DEF6: variants seen among roughly 807,000 people sequenced by gnomAD.
DEF6 encodes the protein differentially expressed in FDCP 6 homolog.
A neutral mutation model predicts 80.5 loss-of-function variants in DEF6; 32 were observed. The observed-to-expected ratio is 0.40, with a 90% CI of 0.30 to 0.53. The LOEUF (loss-of-function observed/expected upper bound fraction) is 0.53, where lower values mean the gene tolerates loss of function less well. DEF6 is among the 20% of genes least tolerant of loss of function. The pLI is 0.57. For synonymous variants in DEF6, 300 were observed against 337.9 expected, an observed-to-expected ratio of 0.89 and a Z score of 1.23; for missense variants, 575 against 818.7, an observed-to-expected ratio of 0.70 and a Z score of 3.63.
At position 35,309,869 on chromosome 6, in the gene DEF6, G is replaced by A. The variant is rs189502080; in HGVS notation, c.237+59G>A. Reference sequence around the variant, plus strand: ...TCTCCCCACTTTTCCAGCCTGGCCAGCAGCCTAATACCTTGCCACTCCAAC... The same window carrying A: ...TCTCCCCACTTTTCCAGCCTGGCCAACAGCCTAATACCTTGCCACTCCAAC... On this transcript the variant is annotated intron_variant, in intron 2 of 10. Coordinates refer to ENST00000316637, the MANE Select transcript of DEF6 (RefSeq NM_022047.4). 260 of 1,594,676 alleles carry A rather than the reference G, an allele frequency of 1.6e-4. 2 individuals are homozygous for A. The East Asian group carries it at 4.5e-3, about 28-fold the overall frequency.
In DEF6 at chr6:35,312,395, G is replaced by A; in HGVS notation, c.517G>A (p.Ala173Thr). ...GCTTCTGGCCCAGGAGGCCCAGGTG[G>A]CCCAGACCACCGGGGGGCTCAGCGT... The part of the protein sequence containing the change: ...EELLAQEAQV[A>T]QTTGGLSVWQ... Residue 173 changes from alanine to threonine, a missense_variant, in exon 4 of 11, where the codon GCC becomes ACC. Coordinates refer to ENST00000316637, the MANE Select transcript of DEF6 (RefSeq NM_022047.4). This position sits in a 1 kb window ranked among gnomAD's most constrained non-coding sequence, Gnocchi z 6.6. The A allele has an allele frequency of 6.2e-7, 1 of 1,614,140 alleles. No homozygotes were observed. Among genetic ancestry groups the A allele is most frequent in the South Asian group, 1.1e-5 (1 of 91,080 alleles).
chr6:35,308,693 AAAAT>A (rs1791423498), intron 1 of DEF6, among the ~76,000 whole-genome samples: 2 of 145,076 alleles, frequency 1.4e-5, no homozygotes, highest in African/African-American at 5.1e-5. Context: ...AAAATAAAAT[AAAAT>A]AAAATAAAAT....
At chr6:35,297,991 C>G in intron 1 of DEF6, 39 bp downstream of exon 1, 3 of 1,519,480 alleles carry the variant, frequency 2.0e-6, no homozygotes, top group Non-Finnish European at 2.7e-6. Flanking sequence ...ACGGCAGATG[C>G]ACCACACCAG....
chr6:35,320,040 G>T (rs775731036), intron 9 of DEF6, 23 bp downstream of exon 9: 2 of 1,551,412 alleles, frequency 1.3e-6, no homozygotes, highest in East Asian at 2.4e-5. Context: ...GTGGGATGGG[G>T]TGGAGGCTGG....
In DEF6 at chr6:35,309,786, C is replaced by T. The variant is rs752722729; in HGVS notation, c.213C>T (p.Tyr71=). ...GPVSSQGYMP[Y]LNKYILDKVE... ...TGTCCAGCCAGGGATACATGCCCTA[C>T]CTCAACAAGTACATCCTGGACAAGG... Residue 71 remains tyrosine, a synonymous_variant, in exon 2 of 11, where the codon TAC becomes TAT. Coordinates refer to ENST00000316637, the MANE Select transcript of DEF6 (RefSeq NM_022047.4). 5 of 1,614,060 alleles carry T rather than the reference C, an allele frequency of 3.1e-6. No individual in the cohort carries two copies. The South Asian group carries it at 5.5e-5, about 18-fold the overall frequency.
At position 35,319,402 on chromosome 6, in the gene DEF6, C is replaced by T; in HGVS notation, c.1216-122C>T. 1.4e-6 allele frequency: 1 copy of T among 689,710 alleles called. No individual in the cohort carries two copies. The highest frequency in any genetic ancestry group is 2.8e-5 in the East Asian group (1 of 36,290). 42.7% of individuals were successfully genotyped at this position (689,710 alleles called of 1,614,324 possible). ...AAGGGGTCAGATCAGGAAACCCCAA[C>T]ATGAAGGAGTTCCCCAGACCCTCAC... On this transcript the variant is annotated intron_variant, in intron 7 of 10. Transcript: ENST00000316637. The surrounding 1 kb of genome is among the most constrained non-coding windows in gnomAD (Gnocchi z 4.5).
chr6:35,305,114 A>G (rs865940153), intron 1 of DEF6, among the ~76,000 whole-genome samples: 18 of 145,728 alleles, frequency 1.2e-4, no homozygotes, highest in African/African-American at 4.5e-4. Context: ...CCTGGGCAAT[A>G]TAATGGGAAC....
intron 1 of DEF6, among the ~76,000 whole-genome samples, chr6:35,300,735 T>C (rs1791303680): frequency 6.6e-6 from 1 of 152,292 alleles, no homozygotes; most frequent in South Asian, 2.1e-4. Context: ...TTGAGGGCTG[T>C]GAGTTCTTGC....
Position 35,318,556 on chromosome 6 carries a change from A to G in DEF6, c.1215+85A>G. 1 of 1,282,674 alleles carries G rather than the reference A, an allele frequency of 7.8e-7. No individual in the cohort carries two copies. Among genetic ancestry groups the G allele is most frequent in the Non-Finnish European group, 1.0e-6 (1 of 1,001,886 alleles). 79.5% of individuals were successfully genotyped at this position (1,282,674 alleles called of 1,614,324 possible). A position where few individuals can be genotyped will look rare whatever the true frequency, so the allele number is the denominator to read the frequency against. The stretch of plus-strand genomic sequence containing the variant: ...GGAGCGCCGGGGGCGGGGCCTGGGC[A>G]GAGGGCGGAGCTCCTGGGTTGAGGG... On this transcript the variant is annotated intron_variant, in intron 7 of 10. Coordinates refer to ENST00000316637, the MANE Select transcript of DEF6 (RefSeq NM_022047.4). The surrounding 1 kb of genome is among the most constrained non-coding windows in gnomAD (Gnocchi z 5.1).
chr6:35,314,558 A>G (rs1215075559), intron 5 of DEF6, among the ~76,000 whole-genome samples: 1 of 151,786 alleles, frequency 6.6e-6, no homozygotes, highest in Non-Finnish European at 1.5e-5. Flanking sequence ...GACCATTTGT[A>G]TGTCTTCTTT....
intron 5 of DEF6, among the ~76,000 whole-genome samples, chr6:35,317,228 G>A (rs552991843): frequency 2.4e-4 from 36 of 152,206 alleles, no homozygotes; most frequent in Non-Finnish European, 4.3e-4. Flanking sequence ...AGAAGTCCAA[G>A]CCTCATCACT....
chr6:35,319,930 G>A lies in DEF6; in HGVS notation c.1494G>A (p.Met498Ile). 1 of 1,569,778 alleles carries A rather than the reference G, an allele frequency of 6.4e-7. No homozygotes were observed. The highest frequency in any genetic ancestry group is 8.6e-7 in the Non-Finnish European group (1 of 1,157,036). Residue 498 changes from methionine (M) to isoleucine (I), a missense_variant, in exon 9 of 11, where the codon ATG becomes ATA. Coordinates refer to ENST00000316637, the MANE Select transcript of DEF6 (RefSeq NM_022047.4). The surrounding 1 kb of genome is among the most constrained non-coding windows in gnomAD (Gnocchi z 4.5). ...QQEKEELQQE[M>I]AQQSRSLQQA... is the part of the protein sequence containing the mutation. Reference sequence around the variant, plus strand: ...AGAAGGAAGAGCTGCAGCAGGAGATGGCACAGCAGAGCCGCTCCCTGCAGC... The same window carrying A: ...AGAAGGAAGAGCTGCAGCAGGAGATAGCACAGCAGAGCCGCTCCCTGCAGC...
intron 2 of DEF6, 36 bp from the exon 3 acceptor site, chr6:35,310,423 G>A (rs1791453002): frequency 6.2e-7 from 1 of 1,604,632 alleles, no homozygotes; most frequent in African/African-American, 1.3e-5. Context: ...GTAGAGCTGA[G>A]ATATGCAGTC....
intron 5 of DEF6, among the ~76,000 whole-genome samples, chr6:35,317,296 C>T (rs1480440856): frequency 6.6e-6 from 1 of 152,192 alleles, no homozygotes; most frequent in Non-Finnish European, 1.5e-5. Context: ...CAGTTTCTTT[C>T]TCTGTAAAGT....
In DEF6 at chr6:35,318,758, G is replaced by T. The variant is rs1228827062; in HGVS notation, c.1215+287G>T. On this transcript the variant is annotated intron_variant, in intron 7 of 10. Transcript: ENST00000316637. This position sits in a 1 kb window ranked among gnomAD's most constrained non-coding sequence, Gnocchi z 5.1. ...CCTGGTTCGGAGACCTTGGCTGTGG[G>T]TTGGGGCTTGGGCAGAAGGAGCCGT... is the stretch of plus-strand genomic sequence containing the variant. Among the ~76,000 whole-genome samples the T allele has an allele frequency of 6.6e-6, 1 of 152,220 alleles. No homozygotes were observed. The highest frequency in any genetic ancestry group is 2.4e-5 in the African/African-American group (1 of 41,456).
intron 1 of DEF6, among the ~76,000 whole-genome samples, chr6:35,300,305 T>C (rs1054071028): frequency 3.3e-5 from 5 of 152,196 alleles, no homozygotes; most frequent in African/African-American, 1.2e-4. Flanking sequence ...GGAATTATAG[T>C]CTTGAGCCAC....
intron 3 of DEF6, 74 bp downstream of exon 3, chr6:35,310,718 C>G: frequency 1.1e-5 from 17 of 1,494,614 alleles, no homozygotes; most frequent in Non-Finnish European, 1.6e-5. Context: ...TGAGACCAAA[C>G]CACCTTTGGT....
In DEF6 at chr6:35,318,360, G is replaced by A. The variant is rs1791547598; in HGVS notation, c.1104G>A (p.Gln368=). ...ERKLQELELL[Q]EAQRQAERLL... ...AGCTGCAGGAGCTGGAGCTGCTGCA[G>A]GAGGCGCAGCGGCAGGCCGAGCGGC... The change falls in exon 7 of 11, where the codon CAG becomes CAA. Residue 368 remains glutamine, a synonymous_variant. Transcript: ENST00000316637. The surrounding 1 kb of genome is among the most constrained non-coding windows in gnomAD (Gnocchi z 5.1). The A allele has an allele frequency of 6.5e-7, 1 of 1,541,880 alleles. No homozygotes were observed. The highest frequency in any genetic ancestry group is 2.0e-5 in the Admixed American group (1 of 50,944).
rs370491039 is a variant in DEF6 at position 35,318,700 on chromosome 6, T to G, written c.1215+229T>G. Among the ~76,000 whole-genome samples, 26 of 151,438 alleles carry G rather than the reference T, an allele frequency of 1.7e-4. No homozygotes were observed. The highest frequency in any genetic ancestry group is 6.3e-4 in the African/African-American group (26 of 41,114). On this transcript the variant is annotated intron_variant, in intron 7 of 10. Coordinates refer to ENST00000316637, the MANE Select transcript of DEF6 (RefSeq NM_022047.4). The surrounding 1 kb of genome is among the most constrained non-coding windows in gnomAD (Gnocchi z 5.1). ...AGAACCTGGGGCTAGGAAAGGGGTG[T>G]GGGGCGAGGTCCGAGCCCGTGGATG...
Sources: allele counts gnomAD v4.1 joint callset (sites outside exome capture counted in the v4.1 genomes callset), GRCh38; gene constraint gnomAD v4.1.1; non-coding constraint Gnocchi (gnomAD v3.1); transcripts MANE v1.5; gene names NCBI Gene and HGNC (gene_info 2026-07-23, HGNC 2026-07-21).